Variants in IPO9 observed in about 807,000 individuals in gnomAD.
IPO9 encodes importin 9.
Under a neutral mutation model 128.6 loss-of-function variants are expected in IPO9, and 28 were observed. The ratio of observed to expected loss-of-function variants is 0.22; its 90% CI spans 0.16 to 0.30. The LOEUF (loss-of-function observed/expected upper bound fraction) is 0.30, where lower values mean the gene tolerates loss of function less well. IPO9 is among the 10% of genes least tolerant of loss of function. The pLI is 1.00. For missense variants in IPO9, 935 were observed against 1,293.9 expected (o/e 0.72, Z 4.26); for synonymous variants, 455 against 475.8 (o/e 0.96, Z 0.57).
Position 201,854,679 on chromosome 1 carries a change from A to G in IPO9, c.775A>G (p.Thr259Ala). 2 of 1,614,198 alleles carry G rather than the reference A, an allele frequency of 1.2e-6. No individual in the cohort carries two copies. The highest frequency in any genetic ancestry group is 1.3e-5 in the African/African-American group (1 of 75,058). Residue 259 changes from threonine (T) to alanine (A), a missense_variant, in exon 7 of 24, where the codon ACA (threonine) becomes GCA (alanine). By Grantham distance (58) the Thr-to-Ala change is moderately conservative. Coordinates refer to ENST00000361565, the MANE Select transcript of IPO9 (RefSeq NM_018085.5). ...GGCCCTCCAGATACCAGATGGCCCC[A>G]CATCTGACAGTGGGTTTAAGATGGA... ...VQALQIPDGP[T>A]SDSGFKMEVL...
At chr1:201,832,201 C>A (rs1679848789) in intron 1 of IPO9, among the ~76,000 whole-genome samples, 1 of 151,824 alleles carries the variant, frequency 6.6e-6, no homozygotes, top group African/African-American at 2.4e-5. Context: ...GCACCCAGCC[C>A]ACATTTTAGT....
intron 13 of IPO9, among the ~76,000 whole-genome samples, chr1:201,859,201 A>G (rs1680393641): frequency 7.0e-6 from 1 of 143,010 alleles, no homozygotes; most frequent in East Asian, 2.0e-4. Context: ...ATATATATAT[A>G]TATATAAAGG....
chr1:201,852,991 T>C lies in IPO9; in HGVS notation c.604-20T>C, dbSNP rs745827128. 1.8e-5 allele frequency: 29 copies of C among 1,607,050 alleles called. No homozygotes were observed. Among genetic ancestry groups the C allele is most frequent in the Admixed American group, 8.3e-5 (5 of 59,996 alleles). On this transcript the variant is annotated intron_variant, in intron 5 of 23. Transcript: ENST00000361565. Reference sequence around the variant, plus strand: ...CTCCAGTCTCGTGGCTATGCTGTTATGCTGTAACCTTTCTTCCAGGTGTAT... The same window carrying C: ...CTCCAGTCTCGTGGCTATGCTGTTACGCTGTAACCTTTCTTCCAGGTGTAT...
At chr1:201,867,066 G>T in intron 15 of IPO9, 107 bp downstream of exon 15, 1 of 891,398 alleles carries the variant, frequency 1.1e-6, no homozygotes, top group African/African-American at 1.7e-5. Flanking sequence ...TGAAGCTATG[G>T]TTTTAACATC....
intron 1 of IPO9, among the ~76,000 whole-genome samples, chr1:201,843,990 T>C (rs897912041): frequency 6.6e-6 from 1 of 151,972 alleles, no homozygotes; most frequent in Non-Finnish European, 1.5e-5. Context: ...ATAAAAGAAT[T>C]CCAATTAATA....
chr1:201,875,255 A>G, intron 23 of IPO9, 27 bp downstream of exon 23: 1 of 1,582,312 alleles, frequency 6.3e-7, no homozygotes, highest in Non-Finnish European at 8.7e-7. Context: ...ATATCTTGCA[A>G]ATGACAATGT....
intron 4 of IPO9, among the ~76,000 whole-genome samples, chr1:201,851,694 A>T (rs1183161998): frequency 2.0e-5 from 3 of 152,218 alleles, no homozygotes; most frequent in African/African-American, 7.2e-5. Flanking sequence ...GCATCAAACC[A>T]GCTTGCCAAG....
intron 1 of IPO9, among the ~76,000 whole-genome samples, chr1:201,834,593 A>T (rs765247873): frequency 6.6e-6 from 1 of 152,308 alleles, no homozygotes; most frequent in South Asian, 2.1e-4. Context: ...TTTCATTCAG[A>T]AGCTTTAATT....
At chr1:201,831,583 CT>C (rs1353886509) in intron 1 of IPO9, among the ~76,000 whole-genome samples, 5 of 152,170 alleles carry the variant, frequency 3.3e-5, no homozygotes, top group African/African-American at 9.7e-5. Context: ...CTCTTGTGGC[CT>C]TTAACAAGTT....
At chr1:201,863,828 G>T (rs1268329535) in intron 14 of IPO9, among the ~76,000 whole-genome samples, 1 of 152,044 alleles carries the variant, frequency 6.6e-6, no homozygotes, top group Non-Finnish European at 1.5e-5. Flanking sequence ...CTTTAAATTC[G>T]CTCCAGTTCT....
chr1:201,858,252 C>T (rs1034170001), intron 11 of IPO9, among the ~76,000 whole-genome samples, 195 bp from the exon 12 acceptor site: 4 of 152,178 alleles, frequency 2.6e-5, no homozygotes, highest in South Asian at 2.1e-4. Context: ...TAGGCACTAC[C>T]GAAATACAGA....
At chr1:201,853,241 T>A in intron 6 of IPO9, 144 bp downstream of exon 6, 1 of 697,586 alleles carries the variant, frequency 1.4e-6, no homozygotes, top group East Asian at 2.7e-5. Context: ...AAATTATTGT[T>A]GTTATTTTTC....
chr1:201,878,145 GCTAA>G lies in IPO9; in HGVS notation c.*2094_*2097del, dbSNP rs1680811130. 1 of 152,238 alleles carries G rather than the reference GCTAA, an allele frequency of 6.6e-6. No homozygotes were observed. The highest frequency in any genetic ancestry group is 2.4e-5 in the African/African-American group (1 of 41,454). The allele number at this position is 152,238 out of a possible 1,614,324, so 9.4% of individuals were successfully genotyped here. A position where few individuals can be genotyped will look rare whatever the true frequency, so the allele number is the denominator to read the frequency against. On this transcript the variant is annotated 3_prime_UTR_variant, in exon 24 of 24. Coordinates refer to ENST00000361565, the MANE Select transcript of IPO9 (RefSeq NM_018085.5). Reference sequence around the variant, plus strand: ...CGTCCCATGCCAGCCAGGTTCTGAGGCTAACTGCTTGTGCCCCTGCTGCTTCACA... The same window carrying G: ...CGTCCCATGCCAGCCAGGTTCTGAGGCTGCTTGTGCCCCTGCTGCTTCACA...
chr1:201,838,320 T>C (rs1385259478), intron 1 of IPO9, among the ~76,000 whole-genome samples: 1 of 152,210 alleles, frequency 6.6e-6, no homozygotes, highest in Non-Finnish European at 1.5e-5. Context: ...CTCCTTTAAA[T>C]GGATTTCACA....
At chr1:201,854,549 A>G (rs772603352) in intron 6 of IPO9, 46 bp from the exon 7 acceptor site, 4 of 1,603,972 alleles carry the variant, frequency 2.5e-6, no homozygotes, top group Admixed American at 1.7e-5. Flanking sequence ...TGTTGAAGCC[A>G]TGGATTAGGG....
intron 1 of IPO9, among the ~76,000 whole-genome samples, chr1:201,842,056 G>A (rs1680045052): frequency 6.6e-6 from 1 of 152,030 alleles, no homozygotes; most frequent in African/African-American, 2.4e-5. Context: ...CCTGGAGATA[G>A]CATCAGATCC....
rs1455212075 is a variant in IPO9, at chr1:201,877,956, T to A, written c.*1902T>A. The A allele has an allele frequency of 6.6e-6, 1 of 150,712 alleles. No individual in the cohort carries two copies. The highest frequency in any genetic ancestry group is 1.5e-5 in the Non-Finnish European group (1 of 67,794). 9.3% of individuals were successfully genotyped at this position (150,712 alleles called of 1,614,324 possible). A position where few individuals can be genotyped will look rare whatever the true frequency, so the allele number is the denominator to read the frequency against. On this transcript the variant is annotated 3_prime_UTR_variant, in exon 24 of 24. Transcript: ENST00000361565. Reference sequence around the variant, plus strand: ...AAAAAAAAAGAGAAAGAATATAAAGTGAATCTGAATCTCCACTCAAGGGGA... The same window carrying A: ...AAAAAAAAAGAGAAAGAATATAAAGAGAATCTGAATCTCCACTCAAGGGGA...
intron 1 of IPO9, among the ~76,000 whole-genome samples, chr1:201,845,032 G>A (rs10920263): frequency 0.014 from 2,105 of 151,280 alleles, 48 homozygotes; most frequent in African/African-American, 0.045. Context: ...GGGAGGGGGG[G>A]GCGTACAGAG....
At chr1:201,858,199 C>G (rs892701970) in intron 11 of IPO9, among the ~76,000 whole-genome samples, 1 of 152,194 alleles carries the variant, frequency 6.6e-6, no homozygotes, top group African/African-American at 2.4e-5. Context: ...TTATGCTCTG[C>G]TGAATATAGC....
Sources: gnomAD v4.1 joint callset for allele counts (sites outside exome capture counted in the v4.1 genomes callset) on GRCh38, gnomAD v4.1.1 for gene constraint, MANE v1.5 for transcripts, NCBI Gene and HGNC (gene_info 2026-07-23, HGNC 2026-07-21) for gene names.